Variants in TEX2 observed in about 807,000 individuals in gnomAD.
TEX2 encodes the protein testis-expressed protein 2.
A neutral mutation model predicts 106.9 loss-of-function variants in TEX2; 53 were observed. That is an observed-to-expected ratio of 0.50 (90% CI 0.40 to 0.62). The LOEUF (loss-of-function observed/expected upper bound fraction) is 0.62, where lower values mean the gene tolerates loss of function less well. Ranked by LOEUF, TEX2 falls within the 20% of genes least tolerant of loss-of-function variation. TEX2 has a pLI of 0.00. For synonymous variants in TEX2, 523 were observed against 534.8 expected (o/e 0.98, Z 0.30); for missense variants, 1,207 against 1,379.0 (o/e 0.88, Z 1.98).
chr17:64,212,600 C>G lies in TEX2; in HGVS notation c.1618G>C (p.Asp540His). Residue 540 changes from aspartate (D) to histidine (H), a missense_variant, in exon 2 of 12, where the codon GAT becomes CAT. Asp to His is a moderately conservative substitution (Grantham distance 81, BLOSUM62 -1). Around this residue, in one of 3 missense-constraint regions of TEX2, gnomAD observed 1,067 missense variants for 1,193.6 expected, o/e 0.89. Coordinates refer to ENST00000584379, the MANE Select transcript of TEX2 (RefSeq NM_001288732.2). ...TTCAGTATTTCAGGTTCTTTGATAT[C>G]CAGAGATCTTGTGTTCCAGTGTCGC... ...NLRHWNTRSL[D>H]IKEPEILKGW... The G allele has an allele frequency of 6.2e-7, 1 of 1,613,936 alleles. No homozygotes were observed.
intron 2 of TEX2, among the ~76,000 whole-genome samples, chr17:64,209,503 A>G (rs2032933475): frequency 1.3e-5 from 2 of 152,262 alleles, no homozygotes; most frequent in African/African-American, 2.4e-5. Context: ...AGAGTTGTCC[A>G]AACAGCAATA....
At chr17:64,159,207 T>C (rs921564123) in intron 8 of TEX2, among the ~76,000 whole-genome samples, 2 of 152,174 alleles carry the variant, frequency 1.3e-5, no homozygotes, top group Non-Finnish European at 2.9e-5. Context: ...CCCTTTGCAA[T>C]GGAGTCCCTG....
At chr17:64,191,439 A>G (rs1041197286) in intron 4 of TEX2, among the ~76,000 whole-genome samples, 2 of 152,212 alleles carry the variant, frequency 1.3e-5, no homozygotes, top group Non-Finnish European at 2.9e-5. Flanking sequence ...TTCAGTGCCT[A>G]GACCAGTAGA....
intron 5 of TEX2, among the ~76,000 whole-genome samples, chr17:64,187,073 G>C (rs141376100): frequency 1.3e-5 from 2 of 152,150 alleles, no homozygotes; most frequent in Non-Finnish European, 2.9e-5. Flanking sequence ...CAGTTTCTCC[G>C]CTTACAAAAT....
At chr17:64,241,581 A>ACTACCTCATCCTAAAAGTGGGG (rs1555635785) in intron 1 of TEX2, among the ~76,000 whole-genome samples, 1 of 152,186 alleles carries the variant, frequency 6.6e-6, no homozygotes, top group Non-Finnish European at 1.5e-5. Flanking sequence ...GACCTTCCTG[A>ACTACCTCATCCTAAAAGTGGGG]CTACCTCATC....
At chr17:64,189,995 A>AAAAG (rs57599304) in intron 4 of TEX2, among the ~76,000 whole-genome samples, 12 of 150,336 alleles carry the variant, frequency 8.0e-5, no homozygotes, top group South Asian at 6.3e-4. Flanking sequence ...AAAAAAAAAA[A>AAAAG]AAAGAAAGAA....
Position 64,172,352 on chromosome 17 carries a change from C to CAA in TEX2, c.2572-1155_2572-1154dup, listed in dbSNP as rs11419588. On this transcript the variant is annotated intron_variant, in intron 6 of 11. Coordinates refer to ENST00000584379, the MANE Select transcript of TEX2 (RefSeq NM_001288732.2). ...TGGGTGACAGAGCGAGAATCCGTCT[C>CAA]AAAAAAAAAAAAAAGAAAAATAGCA... Among the ~76,000 whole-genome samples the CAA allele has an allele frequency of 2.9e-3, 378 of 131,782 alleles. 2 individuals are homozygous for CAA. The highest frequency in any genetic ancestry group is 9.1e-3 in the East Asian group (41 of 4,520). 86.5% of individuals were successfully genotyped at this position (131,782 alleles called of 152,430 possible).
intron 1 of TEX2, chr17:64,255,819 A>G: frequency 6.6e-6 from 1 of 152,256 alleles, no homozygotes; most frequent in Non-Finnish European, 1.5e-5. Context: ...GGTTTTGCAC[A>G]CAGCAACTCC....
At position 64,212,744 on chromosome 17, in the gene TEX2, G is replaced by A. The variant is rs541701774; in HGVS notation, c.1474C>T (p.Pro492Ser). 12 of 1,614,150 alleles carry A rather than the reference G, an allele frequency of 7.4e-6. No individual in the cohort carries two copies. In the African/African-American group the frequency reaches 1.3e-4, roughly 18 times the overall value. ...AGAAAGAGTCCACTCACATAGTGGG[G>A]GAGGGGGAGGATGAGGTACACATAG... ...CVYVYLILPL[P>S]HYVSGLFLGI... The change falls in exon 2 of 12, where the codon CCC becomes TCC. Residue 492 changes from proline to serine, a missense_variant. Pro to Ser is a moderately conservative substitution (Grantham distance 74). Transcript: ENST00000584379.
chr17:64,229,561 A>C (rs36038025), intron 1 of TEX2, among the ~76,000 whole-genome samples: 11,172 of 151,298 alleles, frequency 0.074, 513 homozygotes, highest in Non-Finnish European at 0.11. Context: ...CTTTTTCTTT[A>C]TGGCTTCTGG....
Position 64,213,446 on chromosome 17 carries a change from C to G in TEX2, c.772G>C (p.Gly258Arg). 6.2e-7 allele frequency: 1 copy of G among 1,614,122 alleles called. No individual in the cohort carries two copies. The highest frequency in any genetic ancestry group is 8.5e-7 in the Non-Finnish European group (1 of 1,180,038). ...GAAGAAGGTGCAGTTTTGGAATCTC[C>G]ACCTGTGTTTCGGGGCTGTGTGAAC... ...KQFTQPRNTG[G>R]DSKTAPSSPL... The change falls in exon 2 of 12, where the codon GGA becomes CGA. Residue 258 changes from glycine (G) to arginine (R), a missense_variant. Gly to Arg is a moderately radical substitution (Grantham distance 125). Around this residue, in one of 3 missense-constraint regions of TEX2, gnomAD observed 1,067 missense variants for 1,193.6 expected, o/e 0.89. Transcript: ENST00000584379. This position sits in a 1 kb window ranked among gnomAD's most constrained non-coding sequence, Gnocchi z 4.4.
chr17:64,155,048 C>G, intron 8 of TEX2, 81 bp from the exon 9 acceptor site: 2 of 1,406,584 alleles, frequency 1.4e-6, no homozygotes, highest in Non-Finnish European at 1.9e-6. Context: ...CCCATGCACA[C>G]ACACTCAACC....
intron 7 of TEX2, among the ~76,000 whole-genome samples, chr17:64,164,556 C>T (rs959596934): frequency 2.6e-5 from 4 of 152,080 alleles, no homozygotes; most frequent in Non-Finnish European, 4.4e-5. Context: ...AGTTTCACAG[C>T]GGCAGGATCA....
intron 8 of TEX2, chr17:64,155,693 A>T (rs2030590826): frequency 6.6e-6 from 1 of 152,180 alleles, no homozygotes; most frequent in Non-Finnish European, 1.5e-5. Context: ...AGTAAGGGAA[A>T]GCCTCATGGG....
chr17:64,260,059 G>A (rs782727090), intron 1 of TEX2, among the ~76,000 whole-genome samples: 17 of 152,206 alleles, frequency 1.1e-4, no homozygotes, highest in Non-Finnish European at 2.4e-4. Flanking sequence ...CAGAGCACAA[G>A]GATACAGACC....
chr17:64,180,288 G>A (rs1389046868), intron 5 of TEX2, among the ~76,000 whole-genome samples: 3 of 152,088 alleles, frequency 2.0e-5, no homozygotes, highest in Non-Finnish European at 4.4e-5. Context: ...TACAACCCTA[G>A]TTACTCACAG....
chr17:64,253,222 T>G (rs1424790282), intron 1 of TEX2, among the ~76,000 whole-genome samples: 1 of 152,138 alleles, frequency 6.6e-6, no homozygotes, highest in African/African-American at 2.4e-5. Context: ...CACTGCAGCC[T>G]CAACCTCCTG....
rs1260668029 is a variant in TEX2, at chr17:64,252,582, CT to C, written c.-26+10585del. On this transcript the variant is annotated intron_variant, in intron 1 of 11. Coordinates refer to ENST00000584379, the MANE Select transcript of TEX2 (RefSeq NM_001288732.2). Reference sequence around the variant, plus strand: ...CCTCCCACCCTAGCCTCCCAAAGTGCTGGGATTACAGGCATGACCCACTGTG... The same window carrying C: ...CCTCCCACCCTAGCCTCCCAAAGTGCGGGATTACAGGCATGACCCACTGTG... Among the ~76,000 whole-genome samples, 4 of 152,030 alleles carry C rather than the reference CT, an allele frequency of 2.6e-5. No homozygotes were observed. The East Asian group carries it at 7.7e-4, about 29-fold the overall frequency.
rs534728478 is a variant in TEX2, at chr17:64,159,442, G to A, written c.2804+1359C>T. ...GGGTGGGGTGGGGACAGCAGGACAA[G>A]GAATTGAGTCTGACTAGATCAGGAC... is the stretch of plus-strand genomic sequence containing the variant. On this transcript the variant is annotated intron_variant, in intron 8 of 11. Coordinates refer to ENST00000584379, the MANE Select transcript of TEX2 (RefSeq NM_001288732.2). Among the ~76,000 whole-genome samples the A allele has an allele frequency of 1.5e-3, 234 of 152,276 alleles. 1 individual carries two copies. The highest frequency in any genetic ancestry group is 5.4e-3 in the African/African-American group (225 of 41,548).
Sources: gnomAD v4.1 joint callset for allele counts (sites outside exome capture counted in the v4.1 genomes callset) on GRCh38, gnomAD v4.1.1 for gene constraint, gnomAD v4.1.1 regional missense constraint, Gnocchi (gnomAD v3.1) non-coding constraint, MANE v1.5 for transcripts, NCBI Gene and HGNC (gene_info 2026-07-23, HGNC 2026-07-21) for gene names.